Variants in CSMD1 observed in about 807,000 individuals in gnomAD.
CSMD1 encodes the protein CUB and Sushi multiple domains 1.
In CSMD1, 213 loss-of-function variants were observed where a neutral mutation model predicts 417.5. That is an observed-to-expected ratio of 0.51 (90% CI 0.46 to 0.57). CSMD1 has a LOEUF of 0.57. CSMD1 is among the 20% of genes least tolerant of loss of function. The probability of loss-of-function intolerance (pLI) is 0.00; values close to 1 mark genes in which losing one functional copy is unlikely to be tolerated. For synonymous variants in CSMD1, 2,862 were observed against 1,736.8 expected (o/e 1.65, Z -16.11); for missense variants, 6,923 against 4,529.7 (o/e 1.53, Z -15.17).
intron 2 of CSMD1, among the ~76,000 whole-genome samples, chr8:4,625,191 A>G (rs1328529536): frequency 7.3e-6 from 1 of 137,234 alleles, no homozygotes; most frequent in Non-Finnish European, 1.6e-5. Flanking sequence ...AGAGACCCAC[A>G]GGCAACCTCG....
intron 1 of CSMD1, among the ~76,000 whole-genome samples, chr8:4,966,491 C>A (rs747732573): frequency 6.6e-6 from 1 of 152,150 alleles, no homozygotes; most frequent in Non-Finnish European, 1.5e-5. Flanking sequence ...TGGGACACAT[C>A]GCGAGGCCCT....
At chr8:3,701,890 G>A (rs999525314) in intron 7 of CSMD1, among the ~76,000 whole-genome samples, 1 of 152,176 alleles carries the variant, frequency 6.6e-6, no homozygotes, top group African/African-American at 2.4e-5. Context: ...CGTTATGAAG[G>A]ACAAGAGTCC....
At chr8:4,788,253 G>T (rs1477685923) in intron 1 of CSMD1, 1 of 1,584,698 alleles carries the variant, frequency 6.3e-7, no homozygotes, top group African/African-American at 1.3e-5. Flanking sequence ...GGTTAAAGCT[G>T]AGTATGAAAG....
At chr8:3,094,697 T>C (rs1003733758) in intron 47 of CSMD1, among the ~76,000 whole-genome samples, 1 of 151,548 alleles carries the variant, frequency 6.6e-6, no homozygotes, top group African/African-American at 2.4e-5. Context: ...TATCCACTAC[T>C]TAAGCCATAG....
At chr8:3,773,122 T>C (rs944313010) in intron 5 of CSMD1, among the ~76,000 whole-genome samples, 56 of 152,222 alleles carry the variant, frequency 3.7e-4, no homozygotes, top group African/African-American at 1.2e-3. Flanking sequence ...CACAACCTCA[T>C]CTCTTCGCCA....
At chr8:3,840,586 A>G (rs145174486) in intron 5 of CSMD1, among the ~76,000 whole-genome samples, 3 of 152,126 alleles carry the variant, frequency 2.0e-5, no homozygotes, top group African/African-American at 7.2e-5. Flanking sequence ...AAGTTAAAAC[A>G]TGTGAGTGTA....
chr8:4,295,670 ATATGT>A (rs1366713577), intron 3 of CSMD1, among the ~76,000 whole-genome samples: 11 of 144,378 alleles, frequency 7.6e-5, no homozygotes, highest in East Asian at 6.0e-4. Context: ...TTAAGATTAC[ATATGT>A]TATATTATAC....
chr8:4,230,097 C>T (rs1801621881), intron 3 of CSMD1, among the ~76,000 whole-genome samples: 1 of 152,142 alleles, frequency 6.6e-6, no homozygotes, highest in Non-Finnish European at 1.5e-5. Context: ...GACTACAAGC[C>T]TTATAAACCT....
At chr8:4,039,120 CAAA>C (rs1797760640) in intron 3 of CSMD1, among the ~76,000 whole-genome samples, 1 of 152,142 alleles carries the variant, frequency 6.6e-6, no homozygotes, top group African/African-American at 2.4e-5. Context: ...TAAAATTCAT[CAAA>C]GCAACGGCAG....
rs1563116097 is a variant in CSMD1, at chr8:3,520,020, C to CA, written c.1345-26295_1345-26294insT. Among the ~76,000 whole-genome samples, 377 of 137,588 alleles carry CA rather than the reference C, an allele frequency of 2.7e-3. 2 individuals are homozygous for CA. The highest frequency in any genetic ancestry group is 0.011 in the African/African-American group (357 of 33,872). The allele number at this position is 137,588 out of a possible 152,430, so 90.3% of individuals were successfully genotyped here. A position where few individuals can be genotyped will look rare whatever the true frequency, so the allele number is the denominator to read the frequency against. ...TATATATGTGTGTGTGTGTATATAC[C>CA]TATATATATATATATATATACACGT... On this transcript the variant is annotated intron_variant, in intron 10 of 69. Coordinates refer to ENST00000635120, the MANE Select transcript of CSMD1 (RefSeq NM_033225.6).
chr8:3,475,617 T>C (rs991460130), intron 11 of CSMD1, among the ~76,000 whole-genome samples: 11 of 152,186 alleles, frequency 7.2e-5, no homozygotes, highest in African/African-American at 2.4e-4. Flanking sequence ...GAAGGAACTC[T>C]TCAGACCTAA....
At chr8:3,259,521 T>C (rs1800900417) in intron 26 of CSMD1, among the ~76,000 whole-genome samples, 2 of 152,240 alleles carry the variant, frequency 1.3e-5, no homozygotes, top group Non-Finnish European at 2.9e-5. Context: ...TTTCTTTGTC[T>C]GTAAGGGGTA....
At chr8:3,433,609 G>A (rs752652950) in intron 12 of CSMD1, among the ~76,000 whole-genome samples, 24 of 152,068 alleles carry the variant, frequency 1.6e-4, no homozygotes, top group African/African-American at 2.7e-4. Flanking sequence ...GCTGACGAGG[G>A]CATCTTCTTT....
intron 55 of CSMD1, among the ~76,000 whole-genome samples, chr8:2,976,894 C>A (rs1804974870): frequency 6.6e-6 from 1 of 151,412 alleles, no homozygotes; most frequent in Admixed American, 6.6e-5. Flanking sequence ...TCTTCATGGT[C>A]TAAAATACAC....
At chr8:4,286,112 C>T (rs1488786503) in intron 3 of CSMD1, among the ~76,000 whole-genome samples, 6 of 152,044 alleles carry the variant, frequency 3.9e-5, no homozygotes, top group South Asian at 2.1e-4. Context: ...TGACCGTTCA[C>T]GTTAACGATA....
chr8:4,714,050 C>A (rs1036189635), intron 1 of CSMD1, among the ~76,000 whole-genome samples: 1 of 151,992 alleles, frequency 6.6e-6, no homozygotes, highest in African/African-American at 2.4e-5. Flanking sequence ...GAGACTGAGG[C>A]AGGAGGATCA....
In CSMD1 at chr8:3,410,130, T is replaced by G. The variant is rs559991660; in HGVS notation, c.1562-525A>C. Among the ~76,000 whole-genome samples the G allele has an allele frequency of 2.6e-5, 4 of 152,228 alleles. No homozygotes were observed. The East Asian group carries it at 7.7e-4, about 29-fold the overall frequency. ...ACAGAGGAAAACAAAATATTCAGAA[T>G]CAATCTTTCATTAAAACATCACTGT... On this transcript the variant is annotated intron_variant, in intron 12 of 69. Coordinates refer to ENST00000635120, the MANE Select transcript of CSMD1 (RefSeq NM_033225.6).
At chr8:2,952,143 T>C (rs1295753775) in intron 65 of CSMD1, among the ~76,000 whole-genome samples, 1 of 152,236 alleles carries the variant, frequency 6.6e-6, no homozygotes, top group Non-Finnish European at 1.5e-5. Context: ...ATTCACATGA[T>C]GATTTCAGCA....
chr8:3,788,029 G>C (rs1406150878), intron 5 of CSMD1, among the ~76,000 whole-genome samples: 6 of 152,192 alleles, frequency 3.9e-5, no homozygotes, highest in East Asian at 3.9e-4. Context: ...TCTTTGGCTA[G>C]AGTCTTAACC....
Sources: gnomAD v4.1 joint callset for allele counts (sites outside exome capture counted in the v4.1 genomes callset) on GRCh38, gnomAD v4.1.1 for gene constraint, MANE v1.5 for transcripts, NCBI Gene and HGNC (gene_info 2026-07-23, HGNC 2026-07-21) for gene names.